Variants in CADPS2 observed in about 807,000 individuals in gnomAD.
CADPS2 encodes the protein calcium dependent secretion activator 2.
CADPS2 carries 93 observed loss-of-function variants against 172.5 expected under a neutral mutation model. The observed-to-expected ratio is 0.54, with a 90% confidence interval of 0.46 to 0.64. The LOEUF (loss-of-function observed/expected upper bound fraction) is 0.64, where lower values mean the gene tolerates loss of function less well. Ranked by LOEUF, CADPS2 falls within the 30% of genes least tolerant of loss-of-function variation. The pLI is 0.00. For synonymous variants in CADPS2, 546 were observed against 555.2 expected (o/e 0.98, Z 0.23); for missense variants, 1,420 against 1,565.9 (o/e 0.91, Z 1.57).
intron 1 of CADPS2, among the ~76,000 whole-genome samples, chr7:122,872,065 CTCTT>C (rs1377279561): frequency 6.6e-6 from 1 of 152,106 alleles, no homozygotes; most frequent in South Asian, 2.1e-4. Flanking sequence ...GTAAAAATCT[CTCTT>C]TATTTGAAGG....
At chr7:122,349,818 T>G (rs2038259741) in intron 27 of CADPS2, among the ~76,000 whole-genome samples, 1 of 152,146 alleles carries the variant, frequency 6.6e-6, no homozygotes. Context: ...CTACACCTAA[T>G]CCCACAGGTG....
chr7:122,688,102 C>G (rs2083867183), intron 2 of CADPS2, among the ~76,000 whole-genome samples: 1 of 152,176 alleles, frequency 6.6e-6, no homozygotes, highest in Admixed American at 6.5e-5. Flanking sequence ...AGCCAGAAAG[C>G]AGGGAGTCAT....
At chr7:122,621,409 C>A in intron 5 of CADPS2, 72 bp downstream of exon 5, 1 of 991,506 alleles carries the variant, frequency 1.0e-6, no homozygotes. Flanking sequence ...AAAGTTACTG[C>A]AAAGGTCAAC....
At chr7:122,681,466 G>C in intron 2 of CADPS2, 1 of 1,529,992 alleles carries the variant, frequency 6.5e-7, no homozygotes, top group African/African-American at 1.4e-5. Flanking sequence ...GTAGCAGTCA[G>C]GGACATTTCT....
At chr7:122,728,355 T>C (rs2091309198) in intron 2 of CADPS2, among the ~76,000 whole-genome samples, 1 of 151,820 alleles carries the variant, frequency 6.6e-6, no homozygotes, top group Non-Finnish European at 1.5e-5. Context: ...TTTAAGTAAA[T>C]ATGAAGAGTT....
chr7:122,858,795 T>C (rs1218167466), intron 1 of CADPS2, among the ~76,000 whole-genome samples: 1 of 152,184 alleles, frequency 6.6e-6, no homozygotes, highest in Non-Finnish European at 1.5e-5. Flanking sequence ...AATGAAAACA[T>C]TGGGGGCATA....
In CADPS2 at chr7:122,518,969, T is replaced by C. The variant is rs77756155; in HGVS notation, c.1476-5654A>G. 5.6e-3 allele frequency among the ~76,000 whole-genome samples: 850 copies of C among 152,164 alleles called. 5 individuals are homozygous for C. Among genetic ancestry groups the C allele is most frequent in the African/African-American group, 0.02 (812 of 41,542 alleles). The stretch of plus-strand genomic sequence containing the variant: ...TTTGGTTTTAAATATTTTGTTGTCA[T>C]CTTTGTCAAATTCTTTTAGTTAAAT... On this transcript the variant is annotated intron_variant, in intron 8 of 29. Coordinates refer to ENST00000449022, the MANE Select transcript of CADPS2 (RefSeq NM_017954.11).
chr7:122,696,275 G>A (rs538887452), intron 2 of CADPS2, among the ~76,000 whole-genome samples: 42 of 152,254 alleles, frequency 2.8e-4, no homozygotes, highest in South Asian at 8.3e-4. Context: ...CTCTCCCAGG[G>A]TAAGCTCAAA....
At chr7:122,584,868 A>G (rs1480736870) in intron 6 of CADPS2, among the ~76,000 whole-genome samples, 2 of 151,964 alleles carry the variant, frequency 1.3e-5, no homozygotes, top group African/African-American at 2.4e-5. Flanking sequence ...CCTGCATAAT[A>G]TTGATCATGT....
chr7:122,516,844 C>T (rs905384182), intron 8 of CADPS2, among the ~76,000 whole-genome samples: 1 of 151,940 alleles, frequency 6.6e-6, no homozygotes, highest in Non-Finnish European at 1.5e-5. Context: ...ATTCTTTATG[C>T]CTTTCTATAA....
chr7:122,743,889 A>G (rs1368469998), intron 1 of CADPS2, among the ~76,000 whole-genome samples: 1 of 152,166 alleles, frequency 6.6e-6, no homozygotes, highest in African/African-American at 2.4e-5. Flanking sequence ...TATCAGAAAA[A>G]TAGGGGGTTC....
rs542303600 is a variant in CADPS2 at position 122,492,750 on chromosome 7, A to C, written c.1543-1330T>G. Among the ~76,000 whole-genome samples, 294 of 152,008 alleles carry C rather than the reference A, an allele frequency of 1.9e-3. 1 individual carries two copies. Among genetic ancestry groups the C allele is most frequent in the South Asian group, 3.5e-3 (17 of 4,800 alleles). On this transcript the variant is annotated intron_variant, in intron 9 of 29. Coordinates refer to ENST00000449022, the MANE Select transcript of CADPS2 (RefSeq NM_017954.11). ...GTTCTCACATCGTCACCCAGGCTGGAGGACAGTGGCACGATTATGGCTCAT... is the reference window on the plus strand; with the variant it reads ...GTTCTCACATCGTCACCCAGGCTGGCGGACAGTGGCACGATTATGGCTCAT...
At chr7:122,855,501 T>C (rs1218440302) in intron 1 of CADPS2, among the ~76,000 whole-genome samples, 1 of 152,030 alleles carries the variant, frequency 6.6e-6, no homozygotes, top group East Asian at 1.9e-4. Context: ...ATTTAAAAAA[T>C]AACAGTGGCA....
At chr7:122,538,492 A>T (rs1170281868) in intron 8 of CADPS2, among the ~76,000 whole-genome samples, 3 of 151,670 alleles carry the variant, frequency 2.0e-5, no homozygotes, top group Non-Finnish European at 4.4e-5. Flanking sequence ...ATTTTAAAAA[A>T]TTTTCGTAAC....
At chr7:122,340,258 C>T (rs1048115262) in intron 28 of CADPS2, among the ~76,000 whole-genome samples, 11 of 152,088 alleles carry the variant, frequency 7.2e-5, no homozygotes, top group African/African-American at 2.4e-4. Context: ...AGATGAAACT[C>T]CTCCACAATT....
chr7:122,584,558 T>C (rs2132985456), intron 6 of CADPS2, among the ~76,000 whole-genome samples: 1 of 152,100 alleles, frequency 6.6e-6, no homozygotes, highest in East Asian at 1.9e-4. Flanking sequence ...TCATGTTTTT[T>C]ATTTTATTGC....
intron 1 of CADPS2, chr7:122,850,024 C>A: frequency 1.0e-6 from 1 of 982,040 alleles, no homozygotes; most frequent in Non-Finnish European, 1.4e-6. Flanking sequence ...GAACAGAAGG[C>A]CCTGCTGCAT....
chr7:122,556,800 T>A (rs942482411), intron 7 of CADPS2, among the ~76,000 whole-genome samples: 6 of 152,154 alleles, frequency 3.9e-5, no homozygotes, highest in African/African-American at 1.4e-4. Context: ...ATGGCTCACA[T>A]CTCTCAAGAG....
intron 25 of CADPS2, among the ~76,000 whole-genome samples, chr7:122,366,441 A>T (rs997299846): frequency 1.7e-4 from 13 of 75,464 alleles, no homozygotes; most frequent in Admixed American, 3.2e-4. Context: ...CATCTCTACT[A>T]AAAAAAAAAA....
Sources: gnomAD v4.1 joint callset for allele counts (sites outside exome capture counted in the v4.1 genomes callset) on GRCh38, gnomAD v4.1.1 for gene constraint, MANE v1.5 for transcripts, NCBI Gene and HGNC (gene_info 2026-07-23, HGNC 2026-07-21) for gene names.